The following CEP170 variants were observed in gnomAD, a reference collection of about 807,000 sequenced individuals.
CEP170 encodes the protein centrosomal protein 170, also known as centrosomal protein of 170 kDa.
A neutral mutation model predicts 151.9 loss-of-function variants in CEP170; 21 were observed. The ratio of observed to expected loss-of-function variants is 0.14; its 90% CI spans 0.10 to 0.20. The LOEUF is 0.20. Ranked by LOEUF, CEP170 falls within the 10% of genes least tolerant of loss-of-function variation. The probability of loss-of-function intolerance (pLI) is 1.00; values close to 1 mark genes in which losing one functional copy is unlikely to be tolerated. For synonymous variants in CEP170, 356 were observed against 648.8 expected (o/e 0.55, Z 6.86); for missense variants, 964 against 1,892.9 (o/e 0.51, Z 9.11).
intron 8 of CEP170, among the ~76,000 whole-genome samples, chr1:243,187,458 T>G (rs929264782): frequency 6.6e-6 from 1 of 152,256 alleles, no homozygotes; most frequent in African/African-American, 2.4e-5. Flanking sequence ...ATGTTTTAAA[T>G]GGAATCACAA....
chr1:243,179,728 A>G (rs769165836), intron 10 of CEP170, among the ~76,000 whole-genome samples: 20 of 152,246 alleles, frequency 1.3e-4, no homozygotes, highest in Non-Finnish European at 1.8e-4. Context: ...TTTCTCATTC[A>G]TTCACATTCA....
chr1:243,197,859 A>G (rs1374628462), intron 7 of CEP170, among the ~76,000 whole-genome samples: 9 of 152,070 alleles, frequency 5.9e-5, no homozygotes, highest in Non-Finnish European at 1.3e-4. Flanking sequence ...GTGCATGGGC[A>G]TGAAGAAAAC....
intron 13 of CEP170, among the ~76,000 whole-genome samples, chr1:243,157,664 C>T (rs1247539403): frequency 1.3e-5 from 2 of 152,140 alleles, no homozygotes; most frequent in Non-Finnish European, 2.9e-5. Flanking sequence ...TCCAGAAATT[C>T]CTCCACTCTA....
At chr1:243,152,520 C>CCTTT (rs1558429307) in intron 14 of CEP170, among the ~76,000 whole-genome samples, 8 of 63,492 alleles carry the variant, frequency 1.3e-4, no homozygotes, top group Non-Finnish European at 1.9e-4. Context: ...CGCGCCCAGC[C>CCTTT]ATTTTTTTTT....
intron 1 of CEP170, among the ~76,000 whole-genome samples, chr1:243,227,357 T>G (rs2063383731): frequency 2.0e-5 from 3 of 152,170 alleles, no homozygotes; most frequent in Non-Finnish European, 4.4e-5. Flanking sequence ...AAAATGTGTC[T>G]CTCAGTCATT....
intron 8 of CEP170, among the ~76,000 whole-genome samples, chr1:243,188,187 C>A (rs976260297): frequency 7.2e-5 from 11 of 152,074 alleles, no homozygotes; most frequent in African/African-American, 2.4e-4. Context: ...GAAAAGGAAT[C>A]CAGTTTCTAA....
At chr1:243,249,696 A>G (rs951669948) in intron 1 of CEP170, among the ~76,000 whole-genome samples, 1 of 152,232 alleles carries the variant, frequency 6.6e-6, no homozygotes, top group Admixed American at 6.5e-5. Flanking sequence ...TTGACTTTAC[A>G]TCGTAAAAGA....
intron 13 of CEP170, among the ~76,000 whole-genome samples, chr1:243,159,577 T>C (rs542800419): frequency 6.6e-6 from 1 of 152,264 alleles, no homozygotes; most frequent in Admixed American, 6.5e-5. Flanking sequence ...ACTTATTTCA[T>C]AAAATTTTAG....
In CEP170 at chr1:243,168,216, C is replaced by T. The variant is rs569147170; in HGVS notation, c.1843+1412G>A. On this transcript the variant is annotated intron_variant, in intron 12 of 19. Coordinates refer to ENST00000366542, the MANE Select transcript of CEP170 (RefSeq NM_014812.3). ...TCTAGATTCTAATATAAATAAATGA[C>T]GTAGCTTTTCTAGTACACTGCTATG... 218 of 152,034 alleles carry T rather than the reference C, an allele frequency of 1.4e-3. 2 individuals carry two copies. Among genetic ancestry groups the T allele is most frequent in the African/African-American group, 4.3e-3 (180 of 41,530 alleles). The allele number at this position is 152,034 out of a possible 1,614,324, so 9.4% of individuals were successfully genotyped here.
chr1:243,225,661 T>A (rs766085154), intron 1 of CEP170, among the ~76,000 whole-genome samples: 3 of 152,190 alleles, frequency 2.0e-5, no homozygotes, highest in Admixed American at 6.5e-5. Flanking sequence ...TAGCATCATG[T>A]TAGTATTAGA....
chr1:243,184,347 ACTCTCT>A (rs200021958), intron 10 of CEP170, among the ~76,000 whole-genome samples: 3 of 150,804 alleles, frequency 2.0e-5, no homozygotes, highest in African/African-American at 7.3e-5. Flanking sequence ...CTTAAATTGC[ACTCTCT>A]CTCTCTCTCT....
In CEP170 at chr1:243,164,613, A is replaced by G. The variant is rs564306490; in HGVS notation, c.3347T>C (p.Leu1116Pro). 4 of 1,613,790 alleles carry G rather than the reference A, an allele frequency of 2.5e-6. No individual in the cohort carries two copies. Among genetic ancestry groups the G allele is most frequent in the East Asian group, 2.2e-5 (1 of 44,886 alleles). The change falls in exon 13 of 20, where the codon CTT (leucine) becomes CCT (proline). Residue 1116 changes from leucine to proline, a missense_variant. Coordinates refer to ENST00000366542, the MANE Select transcript of CEP170 (RefSeq NM_014812.3). ...AACAGATGCTTTGTCAGCATCAGCA[A>G]GTTCACTGTCTGAAGCTTCACCAAG... The part of the protein sequence containing the change: ...ARLGEASDSE[L>P]ADADKASVAS...
intron 10 of CEP170, among the ~76,000 whole-genome samples, chr1:243,179,644 T>G (rs2059490763): frequency 6.6e-6 from 1 of 152,222 alleles, no homozygotes; most frequent in Non-Finnish European, 1.5e-5. Flanking sequence ...ATAAATTCAT[T>G]GAAATAAGTT....
intron 4 of CEP170, among the ~76,000 whole-genome samples, chr1:243,209,055 T>C (rs1439722325): frequency 6.6e-6 from 1 of 152,268 alleles, no homozygotes; most frequent in Non-Finnish European, 1.5e-5. Flanking sequence ...TAAAAGCTTG[T>C]ATATTTCACT....
intron 10 of CEP170, among the ~76,000 whole-genome samples, chr1:243,179,333 T>C (rs1278774351): frequency 1.3e-4 from 20 of 152,128 alleles, no homozygotes; most frequent in Admixed American, 1.3e-3. Context: ...CATATTCCCC[T>C]TTCCTTGCCA....
rs1360078237 is a variant in CEP170 at position 243,174,011 on chromosome 1, T to C, written c.1567-1165A>G. 2.0e-5 allele frequency among the ~76,000 whole-genome samples: 3 copies of C among 152,342 alleles called. No homozygotes were observed. The East Asian group carries it at 5.8e-4, about 29-fold the overall frequency. ...AGTAGATAGCATAATTCTCAAACTG[T>C]ATTTGCCTAACAATCCCTTAAAGAC... On this transcript the variant is annotated intron_variant, in intron 10 of 19. Transcript: ENST00000366542.
intron 8 of CEP170, among the ~76,000 whole-genome samples, chr1:243,187,295 G>T (rs1326258279): frequency 6.6e-6 from 1 of 151,998 alleles, no homozygotes; most frequent in African/African-American, 2.4e-5. Context: ...TACCCTTAAT[G>T]GTTCTGTTAG....
At chr1:243,137,190 A>C (rs2055192910) in intron 16 of CEP170, among the ~76,000 whole-genome samples, 2 of 152,254 alleles carry the variant, frequency 1.3e-5, no homozygotes, top group South Asian at 4.1e-4. Context: ...CTATGGGCTG[A>C]AGTTTGCCAA....
intron 14 of CEP170, among the ~76,000 whole-genome samples, chr1:243,150,865 C>T (rs1182132159): frequency 1.3e-5 from 2 of 152,178 alleles, no homozygotes; most frequent in African/African-American, 4.8e-5. Context: ...GTCCATTTTA[C>T]CGATGAGATC....
Sources: allele counts gnomAD v4.1 joint callset (sites outside exome capture counted in the v4.1 genomes callset), GRCh38; gene constraint gnomAD v4.1.1; transcripts MANE v1.5; gene names NCBI Gene and HGNC (gene_info 2026-07-23, HGNC 2026-07-21).